Variants in HSH2D observed in about 807,000 individuals in gnomAD.
The protein encoded by HSH2D is hematopoietic SH2 domain-containing protein.
Under a neutral mutation model 21.5 loss-of-function variants are expected in HSH2D, and 16 were observed. The ratio of observed to expected loss-of-function variants is 0.74; its 90% CI spans 0.50 to 1.13. The LOEUF (loss-of-function observed/expected upper bound fraction) is 1.13. Among genes scored for constraint, HSH2D ranks in the 50% most tolerant of loss-of-function variants. The probability of loss-of-function intolerance (pLI) is 0.00; values close to 1 mark genes in which losing one functional copy is unlikely to be tolerated. For synonymous variants in HSH2D, 172 were observed against 184.7 expected, an observed-to-expected ratio of 0.93 and a Z score of 0.56; for missense variants, 418 against 441.4, an observed-to-expected ratio of 0.95 and a Z score of 0.47.
chr19:16,140,375 TG>T (rs2090991787), upstream of HSH2D, among the ~76,000 whole-genome samples: 1 of 152,008 alleles, frequency 6.6e-6, no homozygotes, highest in Non-Finnish European at 1.5e-5. Context: ...GAGGCCAAGG[TG>T]GGCAGACCAC....
chr19:16,134,465 C>T (rs1361553618), intron 1 of HSH2D, among the ~76,000 whole-genome samples: 1 of 152,196 alleles, frequency 6.6e-6, no homozygotes, highest in Non-Finnish European at 1.5e-5. Context: ...CCCACCTTGC[C>T]AGCAGGCCTT....
Position 16,157,824 on chromosome 19 carries a change from G to A in HSH2D, c.*30G>A, listed in dbSNP as rs772940662. On this transcript the variant is annotated 3_prime_UTR_variant, in exon 6 of 6. Coordinates refer to ENST00000613986, the MANE Select transcript of HSH2D (RefSeq NM_001382417.1). The surrounding 1 kb of genome is among the most constrained non-coding windows in gnomAD (Gnocchi z 4.4). ...CAGGTCCACCCTGGCTCTGGGACTCGCTGCCAGGGGCTGCCACACTCCTGA... is the reference window on the plus strand; with the variant it reads ...CAGGTCCACCCTGGCTCTGGGACTCACTGCCAGGGGCTGCCACACTCCTGA... The A allele has an allele frequency of 4.9e-6, 7 of 1,414,808 alleles. No homozygotes were observed. Among genetic ancestry groups the A allele is most frequent in the African/African-American group, 2.9e-5 (2 of 70,148 alleles). 87.6% of individuals were successfully genotyped at this position (1,414,808 alleles called of 1,614,324 possible).
At position 16,158,141 on chromosome 19, in the gene HSH2D, G is replaced by A. The variant is rs889050177; in HGVS notation, c.*347G>A. 6.1e-5 allele frequency: 13 copies of A among 214,836 alleles called. No homozygotes were observed. Among genetic ancestry groups the A allele is most frequent in the Admixed American group, 1.6e-4 (3 of 18,534 alleles). The allele number at this position is 214,836 out of a possible 1,614,324, so 13.3% of individuals were successfully genotyped here. A position where few individuals can be genotyped will look rare whatever the true frequency, so the allele number is the denominator to read the frequency against. On this transcript the variant is annotated 3_prime_UTR_variant, in exon 6 of 6. Transcript: ENST00000613986. ...CTGAGGTTCAGAGAGGATAAGAGGC[G>A]TGACCAAGGCCACAGAGCTATGGGT...
chr19:16,152,814 C>G (rs778305413), intron 3 of HSH2D, 173 bp downstream of exon 3: 73 of 758,966 alleles, frequency 9.6e-5, no homozygotes, highest in Non-Finnish European at 1.4e-4. Context: ...TCCGTAGTGG[C>G]ATGTTTTATC....
At chr19:16,137,584 A>G (rs1330941375) in intron 1 of HSH2D, among the ~76,000 whole-genome samples, 2 of 151,156 alleles carry the variant, frequency 1.3e-5, no homozygotes, top group Non-Finnish European at 1.5e-5. Context: ...CTCAAAAAAA[A>G]AAAAAAAGAA....
At chr19:16,152,701 G>A (rs746018916) in intron 3 of HSH2D, 60 bp downstream of exon 3, 8 of 1,252,328 alleles carry the variant, frequency 6.4e-6, no homozygotes. Context: ...TCCTTGGAGG[G>A]GGCAAGGGGT....
intron 1 of HSH2D, among the ~76,000 whole-genome samples, chr19:16,137,592 GAAAA>G (rs922962634): frequency 2.1e-5 from 3 of 142,988 alleles, no homozygotes; most frequent in Non-Finnish European, 4.6e-5. Flanking sequence ...AAAAAAAAAA[GAAAA>G]AAAGAAGCAG....
At chr19:16,144,974 G>C (rs934873827) in intron 1 of HSH2D, among the ~76,000 whole-genome samples, 4 of 150,836 alleles carry the variant, frequency 2.7e-5, no homozygotes, top group African/African-American at 9.7e-5. Context: ...TTACAGGCAT[G>C]AGCCACCGCA....
chr19:16,136,513 T>C (rs564350307), intron 1 of HSH2D, among the ~76,000 whole-genome samples: 4 of 152,274 alleles, frequency 2.6e-5, no homozygotes, highest in Admixed American at 6.5e-5. Flanking sequence ...ATTTCTTTTC[T>C]AACAAAAAGC....
chr19:16,154,123 C>T lies in HSH2D; in HGVS notation c.382-276C>T, dbSNP rs552223467. The stretch of plus-strand genomic sequence containing the variant: ...CTAGCGCCCAAGAAACTGTTGTGGG[C>T]GGGGCATCTTTCCTTAGAAGGCTCA... On this transcript the variant is annotated intron_variant, in intron 4 of 5. Transcript: ENST00000613986. 2.5e-3 allele frequency among the ~76,000 whole-genome samples: 299 copies of T among 119,312 alleles called. 2 individuals are homozygous for T. The highest frequency in any genetic ancestry group is 8.2e-3 in the African/African-American group (289 of 35,248). The allele number at this position is 119,312 out of a possible 152,430, so 78.3% of individuals were successfully genotyped here. A position where few individuals can be genotyped will look rare whatever the true frequency, so the allele number is the denominator to read the frequency against.
chr19:16,140,581 G>C (rs186557897), upstream of HSH2D, among the ~76,000 whole-genome samples: 1 of 151,960 alleles, frequency 6.6e-6, no homozygotes. Flanking sequence ...CTCCAGCCGG[G>C]GCGATAGAAC....
intron 2 of HSH2D, among the ~76,000 whole-genome samples, chr19:16,149,727 T>G (rs1599419367): frequency 6.6e-6 from 1 of 151,462 alleles, no homozygotes; most frequent in Non-Finnish European, 1.5e-5. Context: ...ACTACAGGCA[T>G]GCACCACCGC....
chr19:16,144,727 C>T (rs1303485032), intron 1 of HSH2D, among the ~76,000 whole-genome samples: 1 of 122,180 alleles, frequency 8.2e-6, no homozygotes, highest in Admixed American at 1.1e-4. Context: ...GAGTCTTGCT[C>T]TGTCGCCCAG....
At chr19:16,150,539 C>CAAA (rs879410378) in intron 2 of HSH2D, among the ~76,000 whole-genome samples, 8 of 138,020 alleles carry the variant, frequency 5.8e-5, no homozygotes, top group African/African-American at 1.6e-4. Context: ...AACTCCGTCT[C>CAAA]AAAAAAAAAA....
chr19:16,157,969 G>A lies in HSH2D; in HGVS notation c.*175G>A. Reference sequence around the variant, plus strand: ...CTGCACTCACCCATGGGGTGAGCTGGTTATTTTAGCAACAATCATCAGAGT... The same window carrying A: ...CTGCACTCACCCATGGGGTGAGCTGATTATTTTAGCAACAATCATCAGAGT... On this transcript the variant is annotated 3_prime_UTR_variant, in exon 6 of 6. Transcript: ENST00000613986. The surrounding 1 kb of genome is among the most constrained non-coding windows in gnomAD (Gnocchi z 4.4). 1 of 552,100 alleles carries A rather than the reference G, an allele frequency of 1.8e-6. No individual in the cohort carries two copies. Among genetic ancestry groups the A allele is most frequent in the Non-Finnish European group, 3.2e-6 (1 of 313,540 alleles). The allele number at this position is 552,100 out of a possible 1,614,324, so 34.2% of individuals were successfully genotyped here. A position where few individuals can be genotyped will look rare whatever the true frequency, so the allele number is the denominator to read the frequency against.
At position 16,157,293 on chromosome 19, in the gene HSH2D, C is replaced by T; in HGVS notation, c.558C>T (p.Ala186=). 6.2e-7 allele frequency: 1 copy of T among 1,611,388 alleles called. No individual in the cohort carries two copies. The highest frequency in any genetic ancestry group is 8.5e-7 in the Non-Finnish European group (1 of 1,179,050). ...AEMNRITTKE[A]TSSCPPKSPL... is the part of the protein sequence containing the mutation. ...TGAACAGAATAACCACCAAGGAAGCCACTTCCTCCTGCCCCCCAAAATCCC... is the reference window on the plus strand; with the variant it reads ...TGAACAGAATAACCACCAAGGAAGCTACTTCCTCCTGCCCCCCAAAATCCC... Residue 186 remains alanine (A), a synonymous_variant, in exon 6 of 6, where the codon GCC becomes GCT. Coordinates refer to ENST00000613986, the MANE Select transcript of HSH2D (RefSeq NM_001382417.1). The surrounding 1 kb of genome is among the most constrained non-coding windows in gnomAD (Gnocchi z 4.4).
rs1366013991 is a variant in HSH2D at position 16,152,588 on chromosome 19, A to G, written c.162A>G (p.Gly54=). ...ACTTGCTGGAGTCACAGCCACTGGG[A>G]TCCTTTCTCATCAGGGTCAGTCACA... The part of the protein sequence containing the change: ...AENLLESQPL[G]SFLIRVSHSH... The change falls in exon 3 of 6, where the codon GGA becomes GGG. Residue 54 remains glycine (G), a synonymous_variant. Coordinates refer to ENST00000613986, the MANE Select transcript of HSH2D (RefSeq NM_001382417.1). 1 of 1,510,062 alleles carries G rather than the reference A, an allele frequency of 6.6e-7. No homozygotes were observed. The highest frequency in any genetic ancestry group is 8.8e-7 in the Non-Finnish European group (1 of 1,131,670). 93.5% of individuals were successfully genotyped at this position (1,510,062 alleles called of 1,614,324 possible).
In HSH2D at chr19:16,155,373, G is replaced by A. The variant is rs115993250; in HGVS notation, c.474+882G>A. Among the ~76,000 whole-genome samples the A allele has an allele frequency of 2.6e-3, 396 of 152,218 alleles. 2 individuals carry two copies. The highest frequency in any genetic ancestry group is 9.3e-3 in the African/African-American group (385 of 41,534). On this transcript the variant is annotated intron_variant, in intron 5 of 5. Transcript: ENST00000613986. ...GGAGCCAGTCATACACACAGACACA[G>A]GGAGGACATTCCAGGCAGCGGGAAT...
intron 1 of HSH2D, among the ~76,000 whole-genome samples, chr19:16,146,622 G>A (rs886880682): frequency 6.6e-6 from 1 of 152,032 alleles, no homozygotes; most frequent in African/African-American, 2.4e-5. Context: ...AGGCTGCAGT[G>A]AGCATGAGCT....
Sources: allele counts gnomAD v4.1 joint callset (sites outside exome capture counted in the v4.1 genomes callset), GRCh38; gene constraint gnomAD v4.1.1; non-coding constraint Gnocchi (gnomAD v3.1); transcripts MANE v1.5; gene names NCBI Gene and HGNC (gene_info 2026-07-23, HGNC 2026-07-21).